TNS3: variants seen among roughly 807,000 people sequenced by gnomAD.
The protein encoded by TNS3 is tensin-3.
TNS3 carries 45 observed loss-of-function variants against 140.9 expected under a neutral mutation model. That is an observed-to-expected ratio of 0.32 (90% CI 0.25 to 0.41). The LOEUF is 0.41. TNS3 is among the 10% of genes least tolerant of loss of function. The probability of loss-of-function intolerance (pLI) is 1.00; values close to 1 mark genes in which losing one functional copy is unlikely to be tolerated. For synonymous variants in TNS3, 815 were observed against 788.4 expected (o/e 1.03, Z -0.56); for missense variants, 1,716 against 1,906.7 (o/e 0.90, Z 1.86).
At chr7:47,304,192 A>G (rs1295193120) in intron 21 of TNS3, among the ~76,000 whole-genome samples, 9 of 152,198 alleles carry the variant, frequency 5.9e-5, no homozygotes, top group Admixed American at 5.2e-4. Flanking sequence ...TGCTAGATGA[A>G]CCAGTTGATT....
intron 2 of TNS3, among the ~76,000 whole-genome samples, chr7:47,520,198 G>A (rs1462735606): frequency 2.0e-5 from 3 of 152,154 alleles, no homozygotes; most frequent in East Asian, 3.9e-4. Context: ...GCTCCGTGAA[G>A]CACAGCACTG....
At chr7:47,486,047 AGTGTGGGTGTGTGG>A (rs774874574) in intron 3 of TNS3, among the ~76,000 whole-genome samples, 5 of 146,416 alleles carry the variant, frequency 3.4e-5, no homozygotes, top group Non-Finnish European at 4.5e-5. Flanking sequence ...CAGGTGTGTG[AGTGTGGGTGTGTGG>A]GTGAGTGTGT....
chr7:47,293,359 T>C (rs1785821417), intron 25 of TNS3, among the ~76,000 whole-genome samples: 1 of 152,176 alleles, frequency 6.6e-6, no homozygotes, highest in African/African-American at 2.4e-5. Context: ...AGGCTCCCAA[T>C]TTGCAGGGAA....
At chr7:47,579,111 T>G (rs949043890) in intron 1 of TNS3, 1 of 152,144 alleles carries the variant, frequency 6.6e-6, no homozygotes, top group South Asian at 2.1e-4. Flanking sequence ...TTAATACTCT[T>G]GCTGTGAGGA....
chr7:47,569,963 A>G (rs899461768), intron 1 of TNS3, among the ~76,000 whole-genome samples: 1 of 152,154 alleles, frequency 6.6e-6, no homozygotes, highest in Non-Finnish European at 1.5e-5. Context: ...AGCCTGGCCA[A>G]CATGGTGAAA....
At chr7:47,484,789 A>G (rs6463417) in intron 3 of TNS3, among the ~76,000 whole-genome samples, 23,938 of 152,110 alleles carry the variant, frequency 0.16, 2,963 homozygotes, top group African/African-American at 0.33. Context: ...CCTCACCTCA[A>G]ACTCCAGCTC....
At chr7:47,338,489 G>A (rs145064302) in intron 20 of TNS3, among the ~76,000 whole-genome samples, 11 of 152,272 alleles carry the variant, frequency 7.2e-5, no homozygotes, top group African/African-American at 2.6e-4. Flanking sequence ...TCAGTGACAT[G>A]TCTCTTTTTT....
intron 13 of TNS3, among the ~76,000 whole-genome samples, chr7:47,411,086 C>A (rs1793743416): frequency 6.6e-6 from 1 of 152,118 alleles, no homozygotes; most frequent in Non-Finnish European, 1.5e-5. Context: ...CTCTGGGAGG[C>A]CTGTGATCAT....
At chr7:47,368,251 G>T in intron 17 of TNS3, 114 bp downstream of exon 17, 1 of 1,100,360 alleles carries the variant, frequency 9.1e-7, no homozygotes, top group Non-Finnish European at 1.2e-6. Flanking sequence ...CAAGGGAAAT[G>T]TCCCTCCCTT....
intron 20 of TNS3, among the ~76,000 whole-genome samples, chr7:47,309,055 C>G (rs1786923866): frequency 1.3e-5 from 2 of 152,222 alleles, no homozygotes; most frequent in Non-Finnish European, 2.9e-5. Flanking sequence ...CCCTGCCTTA[C>G]ACCTGGAAAC....
chr7:47,286,866 C>T (rs1377844709), intron 27 of TNS3, among the ~76,000 whole-genome samples: 1 of 152,054 alleles, frequency 6.6e-6, no homozygotes, highest in Non-Finnish European at 1.5e-5. Context: ...ACTTATTATG[C>T]TAAGAGAAGA....
intron 27 of TNS3, among the ~76,000 whole-genome samples, 157 bp from the exon 28 acceptor site, chr7:47,284,022 T>TA (rs1785283007): frequency 6.6e-6 from 1 of 152,228 alleles, no homozygotes; most frequent in Non-Finnish European, 1.5e-5. Flanking sequence ...CCTTTGCCCC[T>TA]AATTCTGAAA....
At chr7:47,481,740 T>C (rs904632574) in intron 3 of TNS3, 10 of 984,408 alleles carry the variant, frequency 1.0e-5, no homozygotes, top group Middle Eastern at 5.2e-4. Flanking sequence ...CTGGGAAAGA[T>C]AAAGAAAGTA....
intron 1 of TNS3, among the ~76,000 whole-genome samples, chr7:47,564,644 A>AAAAAC (rs1373818167): frequency 2.5e-4 from 9 of 35,868 alleles, no homozygotes; most frequent in South Asian, 1.2e-3. Flanking sequence ...TCAAAAAAAA[A>AAAAAC]AAAAACAAAA....
At chr7:47,532,143 C>A (rs776150716) in intron 1 of TNS3, among the ~76,000 whole-genome samples, 55 of 152,180 alleles carry the variant, frequency 3.6e-4, no homozygotes, top group Non-Finnish European at 5.6e-4. Context: ...CGGCCCCCCA[C>A]CTCTCATCTC....
chr7:47,552,219 A>C (rs954381061), intron 1 of TNS3, among the ~76,000 whole-genome samples: 3 of 152,186 alleles, frequency 2.0e-5, no homozygotes. Flanking sequence ...ATGCGTTAAC[A>C]GTAATCTTGC....
chr7:47,289,074 C>T (rs1027125772), intron 27 of TNS3, among the ~76,000 whole-genome samples: 2 of 152,150 alleles, frequency 1.3e-5, no homozygotes, highest in African/African-American at 2.4e-5. Flanking sequence ...CTACAAAATT[C>T]CATTCAAAAC....
chr7:47,441,905 T>A, intron 5 of TNS3, 98 bp downstream of exon 5: 1 of 903,324 alleles, frequency 1.1e-6, no homozygotes, highest in Non-Finnish European at 1.6e-6. Context: ...GAAATTATGA[T>A]TTCTACAGAA....
intron 2 of TNS3, among the ~76,000 whole-genome samples, chr7:47,525,540 TTC>T (rs1273777085): frequency 1.3e-5 from 2 of 152,212 alleles, no homozygotes; most frequent in Non-Finnish European, 2.9e-5. Context: ...CATGCACATT[TTC>T]TCTGTTTCTA....
Sources: allele counts gnomAD v4.1 joint callset (sites outside exome capture counted in the v4.1 genomes callset), GRCh38; gene constraint gnomAD v4.1.1; transcripts MANE v1.5; gene names NCBI Gene and HGNC (gene_info 2026-07-23, HGNC 2026-07-21).